N4BP2L2: variants seen among roughly 807,000 people sequenced by gnomAD.
N4BP2L2 encodes the protein NEDD4 binding protein 2 like 2.
N4BP2L2 carries 50 observed loss-of-function variants against 56.2 expected under a neutral mutation model. That is an observed-to-expected ratio of 0.89 (90% CI 0.71 to 1.13). N4BP2L2 has a LOEUF of 1.13. N4BP2L2 is among the 50% of genes most tolerant of loss of function. The probability of loss-of-function intolerance (pLI) is 0.00; values close to 1 mark genes in which losing one functional copy is unlikely to be tolerated. For synonymous variants in N4BP2L2, 203 were observed against 223.6 expected, an observed-to-expected ratio of 0.91 and a Z score of 0.82; for missense variants, 689 against 693.8, an observed-to-expected ratio of 0.99 and a Z score of 0.08.
At chr13:32,473,003 A>T (rs2055717781) in intron 6 of N4BP2L2, among the ~76,000 whole-genome samples, 1 of 152,162 alleles carries the variant, frequency 6.6e-6, no homozygotes, top group Non-Finnish European at 1.5e-5. Context: ...AATATTGGTC[A>T]GACGCGGTGG....
intron 6 of N4BP2L2, among the ~76,000 whole-genome samples, chr13:32,479,516 C>T (rs1439190793): frequency 4.0e-5 from 6 of 151,584 alleles, no homozygotes; most frequent in Non-Finnish European, 5.9e-5. Context: ...CTCCTGACCT[C>T]GTGATCCGCC....
intron 4 of N4BP2L2, 71 bp downstream of exon 4, chr13:32,522,111 A>T: frequency 9.9e-7 from 1 of 1,015,004 alleles, no homozygotes; most frequent in Non-Finnish European, 1.5e-6. Context: ...AGATCCAACC[A>T]GCCAAAATTT....
intron 6 of N4BP2L2, among the ~76,000 whole-genome samples, chr13:32,481,315 A>G (rs1270618774): frequency 6.6e-6 from 1 of 152,070 alleles, no homozygotes; most frequent in Non-Finnish European, 1.5e-5. Context: ...AGCTCCACGT[A>G]CACAGCCTCC....
intron 5 of N4BP2L2, among the ~76,000 whole-genome samples, chr13:32,520,922 G>C (rs955183728): frequency 1.3e-5 from 2 of 152,114 alleles, no homozygotes; most frequent in Non-Finnish European, 2.9e-5. Flanking sequence ...CAGATTCTTT[G>C]TTATTTACTT....
At chr13:32,527,281 T>A (rs182077391) in intron 3 of N4BP2L2, 127 bp downstream of exon 3, 2 of 929,518 alleles carry the variant, frequency 2.2e-6, no homozygotes, top group East Asian at 5.4e-5. Flanking sequence ...AGAAATTAGG[T>A]CTCAAAGCTA....
At position 32,434,473 on chromosome 13, in the gene N4BP2L2, GA is replaced by G. The variant is rs541902473; in HGVS notation, c.*22-1502del. Among the ~76,000 whole-genome samples, 35 of 152,068 alleles carry G rather than the reference GA, an allele frequency of 2.3e-4. No individual in the cohort carries two copies. The South Asian group carries it at 7.3e-3, about 32-fold the overall frequency. ...AAAAGATAAAAATTTTACAAATTAA[GA>G]AACTGAGACTCTGAGAAGGGTCCTC... On this transcript the variant is annotated intron_variant, in intron 9 of 9. Transcript: ENST00000357505.
chr13:32,448,233 C>T (rs1320293547), intron 6 of N4BP2L2, among the ~76,000 whole-genome samples: 1 of 152,082 alleles, frequency 6.6e-6, no homozygotes, highest in African/African-American at 2.4e-5. Context: ...ATAACTTCTG[C>T]TTGAATGTGG....
chr13:32,444,379 C>T (rs1182976921), intron 6 of N4BP2L2, among the ~76,000 whole-genome samples: 1 of 152,166 alleles, frequency 6.6e-6, no homozygotes, highest in Non-Finnish European at 1.5e-5. Flanking sequence ...ATTCTCCTGC[C>T]TCATCCTCGC....
At chr13:32,538,515 C>A in intron 1 of N4BP2L2, 103 bp downstream of exon 1, 1 of 683,494 alleles carries the variant, frequency 1.5e-6, no homozygotes, top group Non-Finnish European at 1.8e-6. Context: ...TCACACAGAG[C>A]TTACGTCTAC....
At chr13:32,486,447 G>T (rs1042666756) in intron 6 of N4BP2L2, among the ~76,000 whole-genome samples, 3 of 151,058 alleles carry the variant, frequency 2.0e-5, no homozygotes, top group Non-Finnish European at 4.4e-5. Flanking sequence ...AGGGTGAGGC[G>T]GGTGGATCAC....
chr13:32,450,465 C>T lies in N4BP2L2; in HGVS notation c.366-6339G>A, dbSNP rs192402059. Among the ~76,000 whole-genome samples the T allele has an allele frequency of 8.6e-5, 13 of 151,892 alleles. No homozygotes were observed. In the East Asian group the frequency reaches 2.5e-3, roughly 29 times the overall value. Reference sequence around the variant, plus strand: ...TCAGCCTCCCAAGTAGCTGGGACTACAGGCGCCTGCAACCATGCCCGGTTA... The same window carrying T: ...TCAGCCTCCCAAGTAGCTGGGACTATAGGCGCCTGCAACCATGCCCGGTTA... On this transcript the variant is annotated intron_variant, in intron 6 of 9. Coordinates refer to the N4BP2L2 transcript ENST00000357505.
At chr13:32,459,950 A>G (rs1397682274) in intron 6 of N4BP2L2, among the ~76,000 whole-genome samples, 2 of 152,152 alleles carry the variant, frequency 1.3e-5, no homozygotes, top group Non-Finnish European at 1.5e-5. Flanking sequence ...TCAAAAGGAT[A>G]ATACACTATA....
chr13:32,530,239 G>A (rs368535), intron 2 of N4BP2L2, among the ~76,000 whole-genome samples: 94,233 of 151,950 alleles, frequency 0.62, 31,196 homozygotes, highest in Non-Finnish European at 0.75. Flanking sequence ...AGTTTAACTT[G>A]AAAAGACTTT....
chr13:32,535,755 T>C lies in N4BP2L2; in HGVS notation c.1259+14A>G, dbSNP rs1472671464. ...AATGAATTACCAAGTATTCAGTTGG[T>C]ATCCTTTACTTACCGAGACAATGTT... On this transcript the variant is annotated intron_variant, in intron 2 of 5. Transcript: ENST00000267068. 1.2e-6 allele frequency: 2 copies of C among 1,603,244 alleles called. No individual in the cohort carries two copies. The highest frequency in any genetic ancestry group is 1.3e-5 in the African/African-American group (1 of 74,176).
At chr13:32,443,737 C>T (rs1469371700) in exon 7 of N4BP2L2, 1 of 1,573,172 alleles carries the variant, frequency 6.4e-7, no homozygotes, top group Non-Finnish European at 8.6e-7. Flanking sequence ...TTCATTTGGC[C>T]TCAGTAACAA....
rs779064939 is a variant in N4BP2L2 at position 32,442,953 on chromosome 13, CAAAGT to C, written c.1534_1538del (p.Thr512GlyfsTer6). 1 of 1,613,332 alleles carries C rather than the reference CAAAGT, an allele frequency of 6.2e-7. No individual in the cohort carries two copies. The highest frequency in any genetic ancestry group is 8.5e-7 in the Non-Finnish European group (1 of 1,179,682). ...CTGAAATTCTATCTTTTTCTTCTCC[CAAAGT>C]AATTTTTAGTCCATGGTTTTTTGTT... On this transcript the variant is annotated frameshift_variant, in exon 7 of 10. Transcript: ENST00000357505. LOFTEE classifies it high-confidence loss of function.
chr13:32,529,985 T>TAA (rs1379638900), intron 2 of N4BP2L2, among the ~76,000 whole-genome samples: 3 of 152,102 alleles, frequency 2.0e-5, no homozygotes, highest in Non-Finnish European at 4.4e-5. Context: ...CTCAGCCTCC[T>TAA]AAAGTGCTGG....
intron 3 of N4BP2L2, among the ~76,000 whole-genome samples, chr13:32,526,029 C>CAAA (rs1274880215): frequency 1.0e-3 from 38 of 37,348 alleles, no homozygotes; most frequent in African/African-American, 2.1e-3. Context: ...ATCTGCTTGC[C>CAAA]AAAAAAAAAA....
At position 32,449,915 on chromosome 13, in the gene N4BP2L2, T is replaced by C. The variant is rs1460207988; in HGVS notation, c.366-5789A>G. ...GCAAATGATTGGAAGTGGAAAAAAATTTTTTTAAACTAAGTGGCCATATAT... is the reference window on the plus strand; with the variant it reads ...GCAAATGATTGGAAGTGGAAAAAAACTTTTTTAAACTAAGTGGCCATATAT... On this transcript the variant is annotated intron_variant, in intron 6 of 9. Coordinates refer to the N4BP2L2 transcript ENST00000357505. Among the ~76,000 whole-genome samples the C allele has an allele frequency of 2.0e-5, 3 of 152,134 alleles. No individual in the cohort carries two copies. The East Asian group carries it at 5.8e-4, about 29-fold the overall frequency.
Sources: gnomAD v4.1 joint callset for allele counts (sites outside exome capture counted in the v4.1 genomes callset) on GRCh38, gnomAD v4.1.1 for gene constraint, MANE v1.5 for transcripts, NCBI Gene and HGNC (gene_info 2026-07-23, HGNC 2026-07-21) for gene names.